The following SVOPL variants were observed in gnomAD, a reference collection of about 807,000 sequenced individuals.
SVOPL encodes the protein putative transporter SVOPL.
SVOPL carries 60 observed loss-of-function variants against 61.0 expected under a neutral mutation model. That is an observed-to-expected ratio of 0.98 (90% CI 0.80 to 1.22). The LOEUF is 1.22. Ranked by LOEUF, SVOPL falls within the 50% of genes most tolerant of loss-of-function variation. The pLI is 0.00. For synonymous variants in SVOPL, 279 were observed against 250.0 expected (o/e 1.12, Z -1.09); for missense variants, 662 against 643.9 (o/e 1.03, Z -0.30).
intron 9 of SVOPL, among the ~76,000 whole-genome samples, chr7:138,637,701 C>T (rs533119792): frequency 6.6e-6 from 1 of 152,134 alleles, no homozygotes; most frequent in African/African-American, 2.4e-5. Flanking sequence ...CCTGTAATTC[C>T]AGCACTTTGG....
Position 138,619,798 on chromosome 7 carries a change from G to T in SVOPL, c.1353+1248C>A, listed in dbSNP as rs547710966. ...GAGTTAGCTCAAGCATGGACAACTG[G>T]ACCAATGGGGGTCTCTATCTCGGGA... On this transcript the variant is annotated intron_variant, in intron 14 of 15. Transcript: ENST00000674285. 3.2e-4 allele frequency among the ~76,000 whole-genome samples: 49 copies of T among 152,226 alleles called. 1 individual carries two copies. In the South Asian group the frequency reaches 9.1e-3, roughly 28 times the overall value.
At chr7:138,642,831 C>CAAAAA (rs749603417) in intron 9 of SVOPL, among the ~76,000 whole-genome samples, 2 of 26,918 alleles carry the variant, frequency 7.4e-5, no homozygotes, top group African/African-American at 1.5e-4. Context: ...CTCCTACCTC[C>CAAAAA]AAAAAAAAAA....
rs375099702 is a variant in SVOPL, at chr7:138,678,911, G to T, written c.82+53C>A. The T allele has an allele frequency of 2.2e-5, 34 of 1,514,116 alleles. No individual in the cohort carries two copies. The African/African-American group carries it at 2.5e-4, about 11-fold the overall frequency. The allele number at this position is 1,514,116 out of a possible 1,614,324, so 93.8% of individuals were successfully genotyped here. A position where few individuals can be genotyped will look rare whatever the true frequency, so the allele number is the denominator to read the frequency against. On this transcript the variant is annotated intron_variant, in intron 2 of 15. Coordinates refer to ENST00000674285, the MANE Select transcript of SVOPL (RefSeq NM_001139456.2). ...CCTTTTTGCATTTAACCTTAAAAAG[G>T]ATTCTTAACTCTAAGCAGCAGGTTG...
intron 9 of SVOPL, among the ~76,000 whole-genome samples, chr7:138,641,816 A>T (rs555055913): frequency 2.3e-5 from 3 of 128,448 alleles, no homozygotes; most frequent in African/African-American, 5.9e-5. Flanking sequence ...TATATATGTT[A>T]TATATATATA....
intron 4 of SVOPL, among the ~76,000 whole-genome samples, chr7:138,668,355 A>T (rs888053142): frequency 1.3e-5 from 2 of 152,070 alleles, no homozygotes; most frequent in East Asian, 3.9e-4. Context: ...CTCCTTCTCT[A>T]TTGCAATTCC....
At chr7:138,693,414 G>A (rs1459980145) in intron 1 of SVOPL, among the ~76,000 whole-genome samples, 1 of 151,170 alleles carries the variant, frequency 6.6e-6, no homozygotes, top group Non-Finnish European at 1.5e-5. Flanking sequence ...GAGGCAGGAA[G>A]ATCACTTGAG....
intron 10 of SVOPL, 41 bp from the exon 11 acceptor site, chr7:138,628,404 C>T (rs1222054221): frequency 6.3e-7 from 1 of 1,598,764 alleles, no homozygotes; most frequent in Non-Finnish European, 8.5e-7. Context: ...ACGCTGACAC[C>T]AGACCTGAAG....
At chr7:138,663,715 A>G (rs535812555) in intron 4 of SVOPL, 2 of 627,304 alleles carry the variant, frequency 3.2e-6, no homozygotes, top group African/African-American at 2.0e-5. Flanking sequence ...ATTTATTATA[A>G]CTTGGCCTGA....
At chr7:138,673,330 AG>A (rs1563133550) in intron 3 of SVOPL, among the ~76,000 whole-genome samples, 1 of 152,160 alleles carries the variant, frequency 6.6e-6, no homozygotes, top group Non-Finnish European at 1.5e-5. Flanking sequence ...GGCAAGTTTT[AG>A]TTCAACAGGT....
chr7:138,662,367 A>G, intron 5 of SVOPL: 2 of 985,384 alleles, frequency 2.0e-6, no homozygotes, highest in Non-Finnish European at 2.4e-6. Flanking sequence ...TCAAACAGAT[A>G]GGTGCCTGAG....
chr7:138,676,909 T>A (rs1396220232), intron 3 of SVOPL, among the ~76,000 whole-genome samples: 13 of 132,926 alleles, frequency 9.8e-5, no homozygotes, highest in African/African-American at 3.8e-4. Context: ...CTTTTTTTTT[T>A]TTTTTTTTTT....
chr7:138,608,643 T>C (rs570688995), intron 14 of SVOPL, among the ~76,000 whole-genome samples: 91 of 152,266 alleles, frequency 6.0e-4, no homozygotes, highest in African/African-American at 2.1e-3. Flanking sequence ...ACATGTACGA[T>C]GTGGGCACTT....
chr7:138,618,282 G>A (rs1673227), intron 14 of SVOPL, among the ~76,000 whole-genome samples: 46,403 of 152,044 alleles, frequency 0.31, 7,665 homozygotes, highest in East Asian at 0.58. Flanking sequence ...CAAACATTGG[G>A]TTAATTGCTT....
chr7:138,676,944 T>G (rs1563135203), intron 3 of SVOPL, among the ~76,000 whole-genome samples: 1 of 140,592 alleles, frequency 7.1e-6, no homozygotes, highest in African/African-American at 2.7e-5. Context: ...CGCTCTGTCA[T>G]CAGGGCTGGA....
rs771289408 is a variant in SVOPL at position 138,671,731 on chromosome 7, G to T, written c.273+288C>A. 2.6e-5 allele frequency among the ~76,000 whole-genome samples: 4 copies of T among 152,228 alleles called. No homozygotes were observed. In the South Asian group the frequency reaches 6.2e-4, roughly 24 times the overall value. ...CGAGGGTGATTGGTGAAGTCACTAT[G>T]ATCCATGTAAATAGCTTCTTTAGTG... On this transcript the variant is annotated intron_variant, in intron 4 of 15. Coordinates refer to ENST00000674285, the MANE Select transcript of SVOPL (RefSeq NM_001139456.2).
chr7:138,689,205 T>C (rs1802884973), intron 1 of SVOPL: 8 of 1,339,820 alleles, frequency 6.0e-6, no homozygotes, highest in Admixed American at 5.1e-5. Context: ...GGCCAAGCAG[T>C]GGGGCTGGAC....
intron 4 of SVOPL, among the ~76,000 whole-genome samples, chr7:138,663,909 C>CT (rs1802127330): frequency 1.3e-5 from 2 of 152,236 alleles, no homozygotes; most frequent in African/African-American, 2.4e-5. Flanking sequence ...CGCTGTTCTG[C>CT]TTTTTTTCTC....
chr7:138,670,658 G>A (rs527333885), intron 4 of SVOPL, among the ~76,000 whole-genome samples: 1 of 152,186 alleles, frequency 6.6e-6, no homozygotes, highest in Non-Finnish European at 1.5e-5. Flanking sequence ...TTTCAGGGAG[G>A]CTGATACAAT....
chr7:138,695,523 G>A (rs969737841), intron 1 of SVOPL, among the ~76,000 whole-genome samples: 9 of 152,070 alleles, frequency 5.9e-5, no homozygotes, highest in African/African-American at 2.2e-4. Context: ...AAAGAAAAAA[G>A]GCAAATATTC....
Sources: gnomAD v4.1 joint callset for allele counts (sites outside exome capture counted in the v4.1 genomes callset) on GRCh38, gnomAD v4.1.1 for gene constraint, MANE v1.5 for transcripts, NCBI Gene and HGNC (gene_info 2026-07-23, HGNC 2026-07-21) for gene names.